Variants in PHTF1 observed in about 807,000 individuals in gnomAD.
The protein encoded by PHTF1 is putative homeodomain transcription factor 1.
PHTF1 carries 88 observed loss-of-function variants against 102.4 expected under a neutral mutation model. The observed-to-expected ratio is 0.86, with a 90% CI of 0.72 to 1.03. The LOEUF (loss-of-function observed/expected upper bound fraction) is 1.03. PHTF1 is among the 50% of genes least tolerant of loss of function. The pLI, the probability that PHTF1 is intolerant of heterozygous loss-of-function variation, is 0.00. For synonymous variants in PHTF1, 289 were observed against 305.2 expected, an observed-to-expected ratio of 0.95 and a Z score of 0.55; for missense variants, 814 against 909.5, an observed-to-expected ratio of 0.89 and a Z score of 1.35.
chr1:113,699,471 C>T (rs1405809998), intron 17 of PHTF1: 3 of 639,946 alleles, frequency 4.7e-6, no homozygotes, highest in Non-Finnish European at 8.7e-6. Context: ...ACCAGATGGC[C>T]CAACTTGGTG....
chr1:113,745,664 C>T (rs1484215369), intron 3 of PHTF1, among the ~76,000 whole-genome samples: 2 of 152,092 alleles, frequency 1.3e-5, no homozygotes, highest in Non-Finnish European at 2.9e-5. Flanking sequence ...AGATGAGTGG[C>T]GGCATTAGAT....
chr1:113,729,158 T>C (rs1654265749), intron 5 of PHTF1, among the ~76,000 whole-genome samples: 1 of 152,186 alleles, frequency 6.6e-6, no homozygotes, highest in African/African-American at 2.4e-5. Flanking sequence ...TTAAGTGATA[T>C]AAACCAAGCA....
chr1:113,735,621 A>G (rs1655377863), intron 5 of PHTF1, among the ~76,000 whole-genome samples: 1 of 152,172 alleles, frequency 6.6e-6, no homozygotes, highest in African/African-American at 2.4e-5. Context: ...TTGAATACTC[A>G]ATAGCCACAT....
intron 3 of PHTF1, among the ~76,000 whole-genome samples, chr1:113,751,844 A>G (rs1328847334): frequency 6.6e-6 from 1 of 152,200 alleles, no homozygotes; most frequent in Admixed American, 6.5e-5. Context: ...AGTGTAGAAG[A>G]GTAGAAGAGT....
intron 4 of PHTF1, 89 bp from the exon 5 acceptor site, chr1:113,738,357 G>T: frequency 1.1e-6 from 1 of 879,960 alleles, no homozygotes; most frequent in Non-Finnish European, 1.7e-6. Context: ...ATAGGTGAGT[G>T]CAAAAATCAG....
rs1337656585 is a variant in PHTF1, at chr1:113,738,313, T to C, written c.173-45A>G. 5 of 1,485,102 alleles carry C rather than the reference T, an allele frequency of 3.4e-6. No homozygotes were observed. The East Asian group carries it at 1.1e-4, about 34-fold the overall frequency. 92.0% of individuals were successfully genotyped at this position (1,485,102 alleles called of 1,614,324 possible). ...CAAAACATCAAACATTTATATACAC[T>C]GTATTGAAGGCCACCTGTAGCACTA... On this transcript the variant is annotated intron_variant, in intron 4 of 18. Coordinates refer to ENST00000369604, the MANE Select transcript of PHTF1 (RefSeq NM_001323043.2).
At chr1:113,704,422 A>G (rs1649815059) in intron 14 of PHTF1, among the ~76,000 whole-genome samples, 1 of 152,174 alleles carries the variant, frequency 6.6e-6, no homozygotes, top group South Asian at 2.1e-4. Flanking sequence ...AAAAATATAA[A>G]CTATTTAATT....
chr1:113,719,079 C>A (rs1652522551), intron 7 of PHTF1, among the ~76,000 whole-genome samples: 1 of 152,014 alleles, frequency 6.6e-6, no homozygotes, highest in Non-Finnish European at 1.5e-5. Context: ...CAGCTCACTG[C>A]AAATGCCACC....
intron 13 of PHTF1, 191 bp downstream of exon 13, chr1:113,705,677 ACACATGAGGCCTGGCAAAATTT>A (rs1262760055): frequency 2.0e-6 from 1 of 507,830 alleles, no homozygotes; most frequent in East Asian, 3.4e-5. Context: ...CACTTATTCT[ACACATGAGGCCTGGCAAAATTT>A]CAGATTACAA....
intron 11 of PHTF1, among the ~76,000 whole-genome samples, chr1:113,707,630 G>A (rs1650412330): frequency 6.6e-6 from 1 of 152,130 alleles, no homozygotes; most frequent in Non-Finnish European, 1.5e-5. Flanking sequence ...TTAGCATAAT[G>A]CCAACAAGTA....
chr1:113,736,456 T>C (rs765898205), intron 5 of PHTF1, among the ~76,000 whole-genome samples: 11 of 149,558 alleles, frequency 7.4e-5, no homozygotes, highest in Non-Finnish European at 1.6e-4. Flanking sequence ...TTAAGAATGC[T>C]TTAAACAGCC....
chr1:113,711,497 T>C (rs1267167624), intron 10 of PHTF1, among the ~76,000 whole-genome samples: 1 of 152,212 alleles, frequency 6.6e-6, no homozygotes, highest in African/African-American at 2.4e-5. Context: ...AATCTCATTA[T>C]TTAGGGATTA....
chr1:113,722,274 C>T (rs1357366963), intron 7 of PHTF1, among the ~76,000 whole-genome samples: 1 of 151,700 alleles, frequency 6.6e-6, no homozygotes, highest in Non-Finnish European at 1.5e-5. Context: ...CCCATCTCTA[C>T]TAAAAATACA....
Position 113,697,490 on chromosome 1 carries a change from G to C in PHTF1, c.*215C>G, listed in dbSNP as rs566813545. On this transcript the variant is annotated 3_prime_UTR_variant, in exon 19 of 19. Coordinates refer to ENST00000369604, the MANE Select transcript of PHTF1 (RefSeq NM_001323043.2). ...CTTTAGTCAGCTGACTATTCATGTT[G>C]TTTGAAAAGCATGAAAATACAGGTT... 2.0e-6 allele frequency: 1 copy of C among 494,736 alleles called. No homozygotes were observed. The highest frequency in any genetic ancestry group is 2.5e-5 in the South Asian group (1 of 40,274). The allele number at this position is 494,736 out of a possible 1,614,324, so 30.6% of individuals were successfully genotyped here.
chr1:113,706,728 A>G lies in PHTF1; in HGVS notation c.1270-6T>C. ...TGAAGCCAGAATAAATGATTCTGAG[A>G]AGAAAAATATAAAATTGTTTCTATC... is the stretch of plus-strand genomic sequence containing the variant. On this transcript the variant is annotated splice_region_variant and splice_polypyrimidine_tract_variant and intron_variant, in intron 11 of 18. Transcript: ENST00000369604. 1 of 1,592,050 alleles carries G rather than the reference A, an allele frequency of 6.3e-7. No homozygotes were observed. The highest frequency in any genetic ancestry group is 8.6e-7 in the Non-Finnish European group (1 of 1,169,358).
intron 10 of PHTF1, 93 bp downstream of exon 10, chr1:113,711,653 G>A (rs116706118): frequency 1.7e-5 from 15 of 898,000 alleles, no homozygotes; most frequent in East Asian, 1.2e-4. Flanking sequence ...AAATATTAAT[G>A]TAAATGCTAC....
chr1:113,727,948 G>A (rs1315670002), intron 5 of PHTF1, among the ~76,000 whole-genome samples: 1 of 152,028 alleles, frequency 6.6e-6, no homozygotes, highest in Non-Finnish European at 1.5e-5. Flanking sequence ...ACTCCAGACT[G>A]GGCAACAGAG....
Position 113,724,897 on chromosome 1 carries a change from C to A in PHTF1, c.489-4G>T, listed in dbSNP as rs768488330. The A allele has an allele frequency of 3.8e-6, 6 of 1,566,294 alleles. No homozygotes were observed. The Admixed American group carries it at 5.8e-5, about 15-fold the overall frequency. Reference sequence around the variant, plus strand: ...ATTTACAGTTTTTCGTAATTTTCTACAAAAAAAAATTTCAATAACTTCAGA... The same window carrying A: ...ATTTACAGTTTTTCGTAATTTTCTAAAAAAAAAAATTTCAATAACTTCAGA... On this transcript the variant is annotated splice_region_variant and splice_polypyrimidine_tract_variant and intron_variant, in intron 6 of 18. Transcript: ENST00000369604.
intron 11 of PHTF1, 51 bp from the exon 12 acceptor site, chr1:113,706,773 T>C: frequency 1.4e-6 from 2 of 1,385,292 alleles, no homozygotes; most frequent in Non-Finnish European, 2.0e-6. Context: ...TTGCCTCCAT[T>C]AGTTTTTCTT....
Sources: allele counts gnomAD v4.1 joint callset (sites outside exome capture counted in the v4.1 genomes callset), GRCh38; gene constraint gnomAD v4.1.1; transcripts MANE v1.5; gene names NCBI Gene and HGNC (gene_info 2026-07-23, HGNC 2026-07-21).